The following GRID1 variants were observed in gnomAD, a reference collection of about 807,000 sequenced individuals.
The protein encoded by GRID1 is glutamate ionotropic receptor delta type subunit 1.
GRID1 carries 28 observed loss-of-function variants against 98.0 expected under a neutral mutation model. The ratio of observed to expected loss-of-function variants is 0.29; its 90% CI spans 0.21 to 0.39. The LOEUF is 0.39. Ranked by LOEUF, GRID1 falls within the 10% of genes least tolerant of loss-of-function variation. GRID1 has a pLI of 1.00. For synonymous variants in GRID1, 553 were observed against 538.5 expected (o/e 1.03, Z -0.37); for missense variants, 1,111 against 1,340.5 (o/e 0.83, Z 2.67).
At chr10:85,729,655 A>G (rs778123375) in intron 8 of GRID1, 41 bp from the exon 9 acceptor site, 1 of 1,238,172 alleles carries the variant, frequency 8.1e-7, no homozygotes, top group Non-Finnish European at 1.2e-6. Flanking sequence ...TGGAACTGGC[A>G]CCCGTGCACA....
intron 2 of GRID1, among the ~76,000 whole-genome samples, chr10:86,304,829 A>G (rs1405907116): frequency 1.3e-5 from 2 of 152,168 alleles, no homozygotes; most frequent in East Asian, 1.9e-4. Context: ...CACGCTTTCC[A>G]TGGTCAAGGT....
At chr10:85,761,913 C>T (rs922476876) in intron 8 of GRID1, among the ~76,000 whole-genome samples, 1 of 152,074 alleles carries the variant, frequency 6.6e-6, no homozygotes, top group African/African-American at 2.4e-5. Flanking sequence ...ACCACAGGAA[C>T]AGAAAACAAA....
At chr10:85,780,879 T>C (rs2132725936) in intron 8 of GRID1, among the ~76,000 whole-genome samples, 1 of 152,368 alleles carries the variant, frequency 6.6e-6, no homozygotes, top group Middle Eastern at 3.4e-3. Context: ...TAGTGTTTTA[T>C]AAATAGTTGT....
chr10:85,885,286 G>A, intron 5 of GRID1, among the ~76,000 whole-genome samples: 1 of 152,288 alleles, frequency 6.6e-6, no homozygotes, highest in Middle Eastern at 3.4e-3. Context: ...CCTTTTTATA[G>A]TGTGCACTAA....
intron 8 of GRID1, among the ~76,000 whole-genome samples, chr10:85,822,765 A>G (rs1389295660): frequency 6.6e-6 from 1 of 152,182 alleles, no homozygotes; most frequent in African/African-American, 2.4e-5. Flanking sequence ...ACTATTCACA[A>G]TAGCAAAGAC....
intron 4 of GRID1, among the ~76,000 whole-genome samples, chr10:86,013,290 T>C (rs983368704): frequency 1.3e-5 from 2 of 152,202 alleles, no homozygotes; most frequent in South Asian, 2.1e-4. Flanking sequence ...CAAAAAAACA[T>C]GACTACATCC....
chr10:86,323,899 C>A (rs1202324651), intron 2 of GRID1, among the ~76,000 whole-genome samples: 1 of 152,144 alleles, frequency 6.6e-6, no homozygotes, highest in Non-Finnish European at 1.5e-5. Context: ...TTTATTGAGG[C>A]CCAGCATGGT....
chr10:86,132,769 G>A (rs926028477), intron 4 of GRID1, among the ~76,000 whole-genome samples: 7 of 152,238 alleles, frequency 4.6e-5, no homozygotes, highest in African/African-American at 1.7e-4. Flanking sequence ...TTCACTCACT[G>A]CAGCAAACTC....
At chr10:85,881,068 G>C (rs893951109) in intron 5 of GRID1, among the ~76,000 whole-genome samples, 3 of 152,158 alleles carry the variant, frequency 2.0e-5, no homozygotes, top group African/African-American at 7.2e-5. Flanking sequence ...ACTTACAAGG[G>C]ACGTGAGGGA....
intron 12 of GRID1, among the ~76,000 whole-genome samples, chr10:85,676,768 C>T (rs1020021522): frequency 2.6e-5 from 4 of 152,202 alleles, no homozygotes; most frequent in African/African-American, 9.7e-5. Flanking sequence ...CATATTTTCA[C>T]ATGCTTGGTT....
chr10:85,905,420 C>T (rs1039414946), intron 5 of GRID1, among the ~76,000 whole-genome samples: 24 of 151,836 alleles, frequency 1.6e-4, no homozygotes, highest in African/African-American at 5.6e-4. Context: ...CCAGATCAAA[C>T]TACGGATCTT....
chr10:85,726,452 T>A (rs951266693), intron 10 of GRID1, among the ~76,000 whole-genome samples: 4 of 152,128 alleles, frequency 2.6e-5, no homozygotes, highest in Non-Finnish European at 5.9e-5. Flanking sequence ...TAATTTAGTG[T>A]AGCAACCTGG....
At chr10:86,187,689 T>C (rs924324489) in intron 3 of GRID1, among the ~76,000 whole-genome samples, 2 of 152,186 alleles carry the variant, frequency 1.3e-5, no homozygotes, top group African/African-American at 4.8e-5. Context: ...GAGGTATTTA[T>C]AGTGCAAGAG....
chr10:86,096,785 T>A (rs940110411), intron 4 of GRID1, among the ~76,000 whole-genome samples: 2 of 152,214 alleles, frequency 1.3e-5, no homozygotes, highest in Admixed American at 6.5e-5. Context: ...GACAGTACCT[T>A]GCAGAGCTGG....
chr10:85,903,272 T>G (rs1841414529), intron 5 of GRID1, among the ~76,000 whole-genome samples: 1 of 152,180 alleles, frequency 6.6e-6, no homozygotes, highest in South Asian at 2.1e-4. Context: ...AAGAAATGTC[T>G]TCTCTTTTCA....
chr10:86,199,201 A>G (rs1384700404), intron 3 of GRID1, among the ~76,000 whole-genome samples: 1 of 152,228 alleles, frequency 6.6e-6, no homozygotes, highest in East Asian at 1.9e-4. Flanking sequence ...ATACACACAC[A>G]TAGAAGCTCA....
At chr10:86,087,635 C>A (rs79737613) in intron 4 of GRID1, among the ~76,000 whole-genome samples, 4,364 of 152,230 alleles carry the variant, frequency 0.029, 145 homozygotes, top group Admixed American at 0.099. Flanking sequence ...CCAATAATCA[C>A]AACCAACTAA....
chr10:85,724,939 T>C (rs974526850), intron 10 of GRID1, among the ~76,000 whole-genome samples: 3 of 152,248 alleles, frequency 2.0e-5, no homozygotes, highest in Non-Finnish European at 4.4e-5. Context: ...AGTATCTTCA[T>C]TTCTCTACGA....
Position 86,138,163 on chromosome 10 carries a change from C to T in GRID1, c.726+656G>A, listed in dbSNP as rs11201895. Among the ~76,000 whole-genome samples, 851 of 152,270 alleles carry T rather than the reference C, an allele frequency of 5.6e-3. 10 individuals carry two copies. The highest frequency in any genetic ancestry group is 0.019 in the African/African-American group (809 of 41,528). ...TCTGCCATTAGACTACCTGGGCCAG[C>T]GCCAATCAGCCAACTCATAGGTTAT... is the stretch of plus-strand genomic sequence containing the variant. On this transcript the variant is annotated intron_variant, in intron 4 of 15. Transcript: ENST00000327946.
Sources: allele counts gnomAD v4.1 joint callset (sites outside exome capture counted in the v4.1 genomes callset), GRCh38; gene constraint gnomAD v4.1.1; transcripts MANE v1.5; gene names NCBI Gene and HGNC (gene_info 2026-07-23, HGNC 2026-07-21).